The following GTF2F2 variants were observed in gnomAD, a reference collection of about 807,000 sequenced individuals.
GTF2F2 encodes ATP-dependent helicase GTF2F2.
In GTF2F2, 23 loss-of-function variants were observed where a neutral mutation model predicts 42.2. The observed-to-expected ratio is 0.55, with a 90% CI of 0.39 to 0.77. GTF2F2 has a LOEUF of 0.77. Ranked by LOEUF, GTF2F2 falls within the 30% of genes least tolerant of loss-of-function variation. GTF2F2 has a pLI of 0.00. For missense variants in GTF2F2, 261 were observed against 287.2 expected, an observed-to-expected ratio of 0.91 and a Z score of 0.66; for synonymous variants, 105 against 100.8, an observed-to-expected ratio of 1.04 and a Z score of -0.25.
intron 4 of GTF2F2, among the ~76,000 whole-genome samples, chr13:45,185,524 C>T (rs1028005218): frequency 1.3e-5 from 2 of 152,192 alleles, no homozygotes; most frequent in Admixed American, 1.3e-4. Flanking sequence ...TTTTATAAAT[C>T]TATCACCCAC....
chr13:45,276,384 G>A (rs1367483550), intron 7 of GTF2F2, among the ~76,000 whole-genome samples: 2 of 151,822 alleles, frequency 1.3e-5, no homozygotes, highest in Non-Finnish European at 2.9e-5. Flanking sequence ...TCTCTTGGGA[G>A]TGGAATTGTT....
At chr13:45,183,419 C>T (rs1872257184) in intron 4 of GTF2F2, among the ~76,000 whole-genome samples, 1 of 152,120 alleles carries the variant, frequency 6.6e-6, no homozygotes, top group Non-Finnish European at 1.5e-5. Flanking sequence ...AGAATGACTG[C>T]TGGAGTTACT....
intron 5 of GTF2F2, among the ~76,000 whole-genome samples, chr13:45,228,881 G>A (rs1874521494): frequency 1.3e-5 from 2 of 152,114 alleles, no homozygotes; most frequent in South Asian, 4.2e-4. Flanking sequence ...TGTTGGTCAG[G>A]TTGGTCTCGA....
intron 4 of GTF2F2, among the ~76,000 whole-genome samples, chr13:45,186,377 C>T (rs1167142671): frequency 6.6e-6 from 1 of 151,248 alleles, no homozygotes. Flanking sequence ...CTTCAACCTC[C>T]ACCTCCTAGG....
chr13:45,239,377 T>C lies in GTF2F2; in HGVS notation c.387-13494T>C, dbSNP rs540494574. 2.4e-4 allele frequency among the ~76,000 whole-genome samples: 36 copies of C among 152,346 alleles called. No individual in the cohort carries two copies. The East Asian group carries it at 6.0e-3, about 25-fold the overall frequency. ...TGTTGTCTAGCTAACAGAGGTAATA[T>C]AGTGACTCTCTGGAATGCTGGTGAT... On this transcript the variant is annotated intron_variant, in intron 5 of 7. Coordinates refer to ENST00000340473, the MANE Select transcript of GTF2F2 (RefSeq NM_004128.3).
intron 6 of GTF2F2, among the ~76,000 whole-genome samples, chr13:45,266,843 G>A (rs908744565): frequency 6.6e-6 from 1 of 152,150 alleles, no homozygotes; most frequent in African/African-American, 2.4e-5. Flanking sequence ...AGTCGTTAAT[G>A]GATGACTCAA....
At chr13:45,242,755 G>A (rs1419089029) in intron 5 of GTF2F2, among the ~76,000 whole-genome samples, 3 of 152,164 alleles carry the variant, frequency 2.0e-5, no homozygotes, top group South Asian at 2.1e-4. Flanking sequence ...TCTAACAAAG[G>A]TGTCATTTAT....
Position 45,283,626 on chromosome 13 carries a change from C to T in GTF2F2, c.*65C>T. 1 of 1,446,638 alleles carries T rather than the reference C, an allele frequency of 6.9e-7. No homozygotes were observed. Among genetic ancestry groups the T allele is most frequent in the East Asian group, 2.4e-5 (1 of 40,920 alleles). 89.6% of individuals were successfully genotyped at this position (1,446,638 alleles called of 1,614,324 possible). The stretch of plus-strand genomic sequence containing the variant: ...CGATGCTATGCAAAAGGCGCTGATA[C>T]TGGAAGGCTTGAACACCGTATGTTA... On this transcript the variant is annotated 3_prime_UTR_variant, in exon 8 of 8. Coordinates refer to ENST00000340473, the MANE Select transcript of GTF2F2 (RefSeq NM_004128.3).
intron 5 of GTF2F2, among the ~76,000 whole-genome samples, chr13:45,230,708 A>T (rs1419155858): frequency 1.5e-4 from 23 of 152,372 alleles, no homozygotes; most frequent in Non-Finnish European, 8.8e-5. Flanking sequence ...GCTACATGTC[A>T]TGTAATTATA....
intron 4 of GTF2F2, among the ~76,000 whole-genome samples, chr13:45,162,472 T>G (rs1422233691): frequency 6.6e-6 from 1 of 152,256 alleles, no homozygotes; most frequent in Non-Finnish European, 1.5e-5. Context: ...AGTTTAGTGT[T>G]TATTTCCTGA....
At chr13:45,164,241 C>T (rs1369038086) in intron 4 of GTF2F2, among the ~76,000 whole-genome samples, 3 of 151,414 alleles carry the variant, frequency 2.0e-5, no homozygotes, top group Non-Finnish European at 4.4e-5. Context: ...GATTGTGCTA[C>T]TGCACTCCAG....
At chr13:45,175,965 A>G (rs1159716481) in intron 4 of GTF2F2, among the ~76,000 whole-genome samples, 1 of 152,176 alleles carries the variant, frequency 6.6e-6, no homozygotes, top group Non-Finnish European at 1.5e-5. Context: ...TTTTGCCTGA[A>G]TTATTCCTGT....
At chr13:45,162,563 G>C (rs1871090055) in intron 4 of GTF2F2, among the ~76,000 whole-genome samples, 1 of 152,196 alleles carries the variant, frequency 6.6e-6, no homozygotes, top group Admixed American at 6.5e-5. Flanking sequence ...TCTGCTCTCT[G>C]AAAAGTTAAA....
chr13:45,210,037 C>T (rs1873568988), intron 5 of GTF2F2, among the ~76,000 whole-genome samples: 1 of 152,200 alleles, frequency 6.6e-6, no homozygotes, highest in Non-Finnish European at 1.5e-5. Context: ...ACCAGAGTTC[C>T]TGCTTCCACC....
chr13:45,150,355 T>C (rs1292870383), intron 3 of GTF2F2, among the ~76,000 whole-genome samples: 1 of 152,170 alleles, frequency 6.6e-6, no homozygotes, highest in East Asian at 1.9e-4. Context: ...CTTTTAACTG[T>C]TGAGTTGTAT....
intron 6 of GTF2F2, among the ~76,000 whole-genome samples, chr13:45,264,527 C>T (rs1413506097): frequency 6.6e-6 from 1 of 152,112 alleles, no homozygotes; most frequent in Non-Finnish European, 1.5e-5. Context: ...ACTTTGTCCT[C>T]CCAAAGTTGC....
intron 6 of GTF2F2, among the ~76,000 whole-genome samples, chr13:45,266,972 ACC>A (rs1876587915): frequency 6.6e-6 from 1 of 151,994 alleles, no homozygotes; most frequent in Non-Finnish European, 1.5e-5. Flanking sequence ...ACATGGTGAA[ACC>A]CCGTCTCTAC....
chr13:45,236,743 C>T (rs1875011166), intron 5 of GTF2F2, among the ~76,000 whole-genome samples: 1 of 152,004 alleles, frequency 6.6e-6, no homozygotes, highest in African/African-American at 2.4e-5. Context: ...GGATACTAGT[C>T]TAAGTAAAAT....
intron 1 of GTF2F2, among the ~76,000 whole-genome samples, chr13:45,127,019 T>G (rs9595241): frequency 0.17 from 25,277 of 152,166 alleles, 2,485 homozygotes; most frequent in Non-Finnish European, 0.22. Context: ...ACAGTGGTGT[T>G]TTGGAGCCTT....
Sources: gnomAD v4.1 joint callset for allele counts (sites outside exome capture counted in the v4.1 genomes callset) on GRCh38, gnomAD v4.1.1 for gene constraint, MANE v1.5 for transcripts, NCBI Gene and HGNC (gene_info 2026-07-23, HGNC 2026-07-21) for gene names.